Variants in CWC27 observed in about 807,000 individuals in gnomAD.
CWC27 encodes spliceosome-associated protein CWC27 homolog.
Under a neutral mutation model 63.6 loss-of-function variants are expected in CWC27, and 47 were observed. That is an observed-to-expected ratio of 0.74 (90% CI 0.58 to 0.94). The LOEUF (loss-of-function observed/expected upper bound fraction) is 0.94, where lower values mean the gene tolerates loss of function less well. Ranked by LOEUF, CWC27 falls within the 40% of genes least tolerant of loss-of-function variation. CWC27 has a pLI of 0.00. For missense variants in CWC27, 495 were observed against 554.3 expected (o/e 0.89, Z 1.07); for synonymous variants, 175 against 179.8 (o/e 0.97, Z 0.22).
intron 13 of CWC27, among the ~76,000 whole-genome samples, chr5:65,007,943 A>G (rs958045989): frequency 6.6e-6 from 1 of 152,274 alleles, no homozygotes; most frequent in South Asian, 2.1e-4. Flanking sequence ...ATTTTCTTAT[A>G]AAGATACAAG....
intron 11 of CWC27, among the ~76,000 whole-genome samples, chr5:64,968,938 A>C (rs530420812): frequency 6.6e-6 from 1 of 152,218 alleles, no homozygotes; most frequent in Non-Finnish European, 1.5e-5. Flanking sequence ...AAGGCCATTT[A>C]GTATTATAAA....
At chr5:64,988,520 T>A (rs925190288) in intron 13 of CWC27, among the ~76,000 whole-genome samples, 1 of 152,198 alleles carries the variant, frequency 6.6e-6, no homozygotes, top group Non-Finnish European at 1.5e-5. Flanking sequence ...TTAGTCTTGT[T>A]CTCAATGCAT....
intron 10 of CWC27, among the ~76,000 whole-genome samples, chr5:64,880,364 A>G (rs1746906458): frequency 6.6e-6 from 1 of 151,952 alleles, no homozygotes; most frequent in South Asian, 2.1e-4. Flanking sequence ...CTTACTCACT[A>G]TGTGACTTCT....
At chr5:64,846,913 G>A (rs1215738487) in intron 10 of CWC27, among the ~76,000 whole-genome samples, 2 of 143,988 alleles carry the variant, frequency 1.4e-5, no homozygotes, top group Non-Finnish European at 3.0e-5. Flanking sequence ...AGAATCGCTT[G>A]AATCCAGGAG....
intron 11 of CWC27, among the ~76,000 whole-genome samples, chr5:64,917,923 G>T (rs547896786): frequency 1.7e-4 from 26 of 151,682 alleles, no homozygotes; most frequent in East Asian, 3.9e-4. Flanking sequence ...TTTATATATA[G>T]AGAGAGATAC....
intron 10 of CWC27, among the ~76,000 whole-genome samples, chr5:64,855,000 A>G (rs1406068613): frequency 6.6e-6 from 1 of 152,088 alleles, no homozygotes; most frequent in Non-Finnish European, 1.5e-5. Flanking sequence ...TGTGTTGTTT[A>G]CTTTTTCTCT....
chr5:64,781,810 C>T (rs192876456), intron 2 of CWC27, 111 bp from the exon 3 acceptor site: 53 of 491,662 alleles, frequency 1.1e-4, no homozygotes, highest in African/African-American at 8.9e-4. Flanking sequence ...GGCTGGGGAG[C>T]GTATTTAACA....
At chr5:64,802,166 T>C (rs2112210076) in intron 9 of CWC27, among the ~76,000 whole-genome samples, 1 of 152,310 alleles carries the variant, frequency 6.6e-6, no homozygotes, top group East Asian at 1.9e-4. Context: ...TGCTAAAGCA[T>C]GGAAATAAGG....
At chr5:64,895,551 TAAAAAG>T (rs1747351291) in intron 11 of CWC27, among the ~76,000 whole-genome samples, 1 of 152,038 alleles carries the variant, frequency 6.6e-6, no homozygotes, top group South Asian at 2.1e-4. Flanking sequence ...AAGGAAAGTA[TAAAAAG>T]AAAAAGAACA....
intron 10 of CWC27, among the ~76,000 whole-genome samples, chr5:64,819,718 A>G (rs147289332): frequency 2.6e-5 from 4 of 152,296 alleles, no homozygotes; most frequent in Non-Finnish European, 4.4e-5. Flanking sequence ...TCTTGGTTAT[A>G]TCTTTATTAG....
intron 13 of CWC27, among the ~76,000 whole-genome samples, chr5:64,993,247 G>C (rs1423349159): frequency 1.3e-5 from 2 of 152,120 alleles, no homozygotes; most frequent in Admixed American, 1.3e-4. Flanking sequence ...GGTAAGGCTT[G>C]ACATGTTACT....
chr5:64,914,896 G>A, intron 11 of CWC27, among the ~76,000 whole-genome samples: 1 of 151,890 alleles, frequency 6.6e-6, no homozygotes, highest in East Asian at 1.9e-4. Context: ...TCATCCAGTG[G>A]GATACTATAT....
At chr5:64,890,675 G>C (rs528154693) in intron 11 of CWC27, among the ~76,000 whole-genome samples, 5 of 152,056 alleles carry the variant, frequency 3.3e-5, no homozygotes, top group Non-Finnish European at 7.4e-5. Flanking sequence ...CTCATTGGAT[G>C]CATCTCAGGC....
intron 11 of CWC27, among the ~76,000 whole-genome samples, chr5:64,891,123 C>T (rs1045800451): frequency 6.6e-6 from 1 of 152,070 alleles, no homozygotes; most frequent in Non-Finnish European, 1.5e-5. Context: ...GTTATCCCTA[C>T]CTATTGTAAT....
At chr5:65,003,019 T>A (rs750022453) in intron 13 of CWC27, among the ~76,000 whole-genome samples, 11 of 152,340 alleles carry the variant, frequency 7.2e-5, no homozygotes, top group Middle Eastern at 3.4e-3. Flanking sequence ...GCTGATTTGA[T>A]CCCATTATCT....
chr5:64,779,360 G>C (rs771948001), intron 2 of CWC27, among the ~76,000 whole-genome samples: 17 of 152,018 alleles, frequency 1.1e-4, no homozygotes, highest in Non-Finnish European at 1.9e-4. Flanking sequence ...GTTGCTATTT[G>C]CTTTTTGTTT....
chr5:64,928,705 AT>A (rs1748169732), intron 11 of CWC27, among the ~76,000 whole-genome samples: 1 of 152,194 alleles, frequency 6.6e-6, no homozygotes, highest in African/African-American at 2.4e-5. Context: ...TAGGGAGGCA[AT>A]GATACCTGAG....
At chr5:64,817,084 T>C (rs957153679) in intron 10 of CWC27, among the ~76,000 whole-genome samples, 1 of 152,126 alleles carries the variant, frequency 6.6e-6, no homozygotes, top group African/African-American at 2.4e-5. Context: ...CTTTCTCATA[T>C]GTTTTGGCCG....
chr5:64,919,666 G>A (rs548455380), intron 11 of CWC27, among the ~76,000 whole-genome samples: 28 of 152,288 alleles, frequency 1.8e-4, no homozygotes, highest in African/African-American at 6.3e-4. Context: ...TGCCATCCAT[G>A]TTGCTGCAAA....
Sources: allele counts gnomAD v4.1 joint callset (sites outside exome capture counted in the v4.1 genomes callset), GRCh38; gene constraint gnomAD v4.1.1; transcripts MANE v1.5; gene names NCBI Gene and HGNC (gene_info 2026-07-23, HGNC 2026-07-21).